The following DCAF6 variants were observed in gnomAD, a reference collection of about 807,000 sequenced individuals.
DCAF6 encodes DDB1 and CUL4 associated factor 6, also known as DDB1- and CUL4-associated factor 6.
DCAF6 carries 54 observed loss-of-function variants against 125.1 expected under a neutral mutation model. The observed-to-expected ratio is 0.43, with a 90% CI of 0.35 to 0.54. The LOEUF is 0.54. Among genes scored for constraint, DCAF6 ranks in the 20% least tolerant of loss-of-function variants. DCAF6 has a pLI of 0.01. For synonymous variants in DCAF6, 371 were observed against 390.4 expected, an observed-to-expected ratio of 0.95 and a Z score of 0.58; for missense variants, 934 against 1,161.7, an observed-to-expected ratio of 0.80 and a Z score of 2.85.
chr1:167,975,371 A>C (rs56237744), intron 4 of DCAF6, among the ~76,000 whole-genome samples: 45 of 152,326 alleles, frequency 3.0e-4, no homozygotes, highest in Admixed American at 5.9e-4. Flanking sequence ...TGCTTGTGTA[A>C]AGTCATAGCC....
At chr1:168,047,387 T>C (rs568389092) in intron 16 of DCAF6, among the ~76,000 whole-genome samples, 2 of 152,232 alleles carry the variant, frequency 1.3e-5, no homozygotes, top group East Asian at 3.9e-4. Flanking sequence ...TTCATGCATA[T>C]ACTCTTGAAT....
At chr1:167,948,327 C>T in intron 1 of DCAF6, among the ~76,000 whole-genome samples, 1 of 143,524 alleles carries the variant, frequency 7.0e-6, no homozygotes, top group South Asian at 2.1e-4. Context: ...GTCATCTGTC[C>T]TGTGCCAAGG....
the DCAF6 span, among the ~76,000 whole-genome samples, chr1:167,865,399 C>T: frequency 6.6e-6 from 1 of 152,104 alleles, no homozygotes; most frequent in Non-Finnish European, 1.5e-5. Flanking sequence ...TCTTGAAGCA[C>T]CAACCTGCTC....
intron 7 of DCAF6, among the ~76,000 whole-genome samples, chr1:167,996,837 C>CTG (rs1681785703): frequency 6.6e-6 from 1 of 152,080 alleles, no homozygotes; most frequent in African/African-American, 2.4e-5. Flanking sequence ...TTTTTCTTCC[C>CTG]TGTGTATTTC....
At chr1:167,875,298 G>A in the DCAF6 span, 1 of 1,087,032 alleles carries the variant, frequency 9.2e-7, no homozygotes, top group Admixed American at 1.9e-5. Context: ...GCTAACAAGA[G>A]TCTATCCCCT....
At chr1:167,935,517 G>C (rs1671095581), upstream of DCAF6, among the ~76,000 whole-genome samples, 1 of 152,168 alleles carries the variant, frequency 6.6e-6, no homozygotes, top group African/African-American at 2.4e-5. Context: ...CACATAGGTG[G>C]GGAAGGGAGC....
intron 13 of DCAF6, among the ~76,000 whole-genome samples, chr1:168,041,297 CTATT>C (rs1354067163): frequency 1.3e-5 from 2 of 151,902 alleles, no homozygotes; most frequent in Non-Finnish European, 2.9e-5. Flanking sequence ...GTTATTAGAG[CTATT>C]TATTTATTAT....
the DCAF6 span, among the ~76,000 whole-genome samples, chr1:167,910,167 T>A: frequency 6.6e-6 from 1 of 152,234 alleles, no homozygotes; most frequent in South Asian, 2.1e-4. Context: ...GGGTTTTGTC[T>A]GTGGCTCGTC....
At position 168,003,984 on chromosome 1, in the gene DCAF6, C is replaced by G. The variant is rs1682991768; in HGVS notation, c.1112C>G (p.Pro371Arg). 6.2e-7 allele frequency: 1 copy of G among 1,610,230 alleles called. No individual in the cohort carries two copies. The highest frequency in any genetic ancestry group is 1.3e-5 in the African/African-American group (1 of 74,774). The change falls in exon 9 of 22, where the codon CCC (proline) becomes CGC (arginine). Residue 371 changes from proline to arginine, a missense_variant. By Grantham distance (103) the Pro-to-Arg change is moderately radical. Around this residue, in one of 5 missense-constraint regions of DCAF6, gnomAD observed 559 missense variants for 635.5 expected, o/e 0.88. Transcript: ENST00000367840. Reference sequence around the variant, plus strand: ...AATAGAGGACGAGGAAGATCTCGACCCAGAGGTAATTTTTAATGTTAATTA... The same window carrying G: ...AATAGAGGACGAGGAAGATCTCGACGCAGAGGTAATTTTTAATGTTAATTA... ...QSNRGRGRSR[P>R]RGGTSQSDIS...
chr1:168,032,198 C>T (rs933935581), intron 12 of DCAF6, among the ~76,000 whole-genome samples: 3 of 152,160 alleles, frequency 2.0e-5, no homozygotes, highest in Non-Finnish European at 2.9e-5. Flanking sequence ...CACTTTGTTT[C>T]GTTTTGGCTT....
chr1:167,961,227 G>C (rs1675542271), intron 2 of DCAF6, among the ~76,000 whole-genome samples: 1 of 152,008 alleles, frequency 6.6e-6, no homozygotes, highest in African/African-American at 2.4e-5. Context: ...ATTAGTTCCA[G>C]GAGGGTTTTA....
the DCAF6 span, among the ~76,000 whole-genome samples, chr1:167,863,646 G>A: frequency 6.6e-6 from 1 of 152,222 alleles, no homozygotes; most frequent in Non-Finnish European, 1.5e-5. Flanking sequence ...GCTTTAGCCT[G>A]CCCTGTGGAA....
intron 3 of DCAF6, among the ~76,000 whole-genome samples, chr1:167,974,090 A>G (rs973494888): frequency 8.6e-4 from 131 of 152,082 alleles, no homozygotes; most frequent in African/African-American, 3.0e-3. Flanking sequence ...GTGAGAATTG[A>G]TATCTCAGCA....
At chr1:167,879,025 C>T in the DCAF6 span, among the ~76,000 whole-genome samples, 1 of 152,166 alleles carries the variant, frequency 6.6e-6, no homozygotes, top group Non-Finnish European at 1.5e-5. Context: ...CCATATGAGA[C>T]ATAAAATTGT....
chr1:168,038,320 C>G (rs1332694213), intron 12 of DCAF6, 51 bp from the exon 13 acceptor site: 7 of 1,363,120 alleles, frequency 5.1e-6, no homozygotes, highest in Non-Finnish European at 7.2e-6. Context: ...GAAATGTCAT[C>G]TTTTTACTGG....
chr1:168,040,705 C>G (rs1688414079), intron 13 of DCAF6, among the ~76,000 whole-genome samples: 1 of 148,480 alleles, frequency 6.7e-6, no homozygotes, highest in African/African-American at 2.5e-5. Flanking sequence ...AGAATCTTAT[C>G]TAAACTTTTT....
intron 10 of DCAF6, among the ~76,000 whole-genome samples, chr1:168,013,599 T>C (rs891948569): frequency 7.2e-5 from 11 of 152,150 alleles, no homozygotes; most frequent in Non-Finnish European, 1.2e-4. Flanking sequence ...CTGGAACTTA[T>C]CTCCTTTAGT....
intron 1 of DCAF6, among the ~76,000 whole-genome samples, chr1:167,946,287 T>C (rs550120563): frequency 6.6e-6 from 1 of 152,118 alleles, no homozygotes; most frequent in Non-Finnish European, 1.5e-5. Context: ...AGTCTTTAGG[T>C]TTTTCTAGAT....
chr1:167,941,235 A>G (rs556376425), intron 1 of DCAF6, among the ~76,000 whole-genome samples: 6 of 152,318 alleles, frequency 3.9e-5, no homozygotes, highest in East Asian at 1.9e-4. Context: ...ATGACGGTCA[A>G]TTGTGACAAA....
Sources: allele counts gnomAD v4.1 joint callset (sites outside exome capture counted in the v4.1 genomes callset), GRCh38; gene constraint gnomAD v4.1.1; regional missense constraint gnomAD v4.1.1; transcripts MANE v1.5; gene names NCBI Gene and HGNC (gene_info 2026-07-23, HGNC 2026-07-21).